The following ZNF366 variants were observed in gnomAD, a reference collection of about 807,000 sequenced individuals.
The protein encoded by ZNF366 is zinc finger protein 366.
ZNF366 carries 20 observed loss-of-function variants against 47.2 expected under a neutral mutation model. The observed-to-expected ratio is 0.42, with a 90% CI of 0.30 to 0.62. ZNF366 has a LOEUF of 0.62. ZNF366 is among the 20% of genes least tolerant of loss of function. The pLI is 0.16. For synonymous variants in ZNF366, 421 were observed against 395.1 expected (o/e 1.07, Z -0.78); for missense variants, 987 against 976.3 (o/e 1.01, Z -0.15).
intron 1 of ZNF366, among the ~76,000 whole-genome samples, chr5:72,485,406 C>T (rs569348299): frequency 6.6e-6 from 1 of 152,312 alleles, no homozygotes; most frequent in Non-Finnish European, 1.5e-5. Flanking sequence ...TTCTTTATTA[C>T]CTCTTCCCAG....
At position 72,460,294 on chromosome 5, in the gene ZNF366, G is replaced by A. The variant is rs1325337280; in HGVS notation, c.1203C>T (p.Thr401=). The change falls in exon 2 of 5, where the codon ACC becomes ACT. Residue 401 remains threonine, a synonymous_variant. Transcript: ENST00000318442. The part of the protein sequence containing the change: ...IQYNCSECDK[T]FQYPSQLQNH... The stretch of plus-strand genomic sequence containing the variant: ...TCTGCAGCTGGCTCGGGTACTGGAA[G>A]GTCTTGTCGCACTCGGAGCAGTTGT... 1 of 1,614,112 alleles carries A rather than the reference G, an allele frequency of 6.2e-7. No individual in the cohort carries two copies. Among genetic ancestry groups the A allele is most frequent in the East Asian group, 2.2e-5 (1 of 44,894 alleles).
chr5:72,447,671 T>C (rs1742987718), intron 3 of ZNF366, among the ~76,000 whole-genome samples: 1 of 152,198 alleles, frequency 6.6e-6, no homozygotes, highest in African/African-American at 2.4e-5. Flanking sequence ...AAAGCTTCTT[T>C]TGAATAAAAG....
In ZNF366 at chr5:72,477,689, G is replaced by A. The variant is rs187921231; in HGVS notation, c.-14-16179C>T. 2.6e-4 allele frequency among the ~76,000 whole-genome samples: 40 copies of A among 152,232 alleles called. No individual in the cohort carries two copies. The East Asian group carries it at 6.4e-3, about 24-fold the overall frequency. ...ATAGGTAAGGAATTTGAGGCACAAC[G>A]AATATAAATGACTTATCTACGGTCA... On this transcript the variant is annotated intron_variant, in intron 1 of 4. Transcript: ENST00000318442.
chr5:72,500,325 T>A (rs1312219600), intron 1 of ZNF366, among the ~76,000 whole-genome samples: 1 of 152,150 alleles, frequency 6.6e-6, no homozygotes, highest in African/African-American at 2.4e-5. Flanking sequence ...GTAATCTGCC[T>A]GAAATACTCA....
intron 1 of ZNF366, among the ~76,000 whole-genome samples, chr5:72,476,214 G>A (rs186002119): frequency 3.3e-5 from 5 of 152,104 alleles, no homozygotes; most frequent in East Asian, 1.9e-4. Context: ...GTCAGCACAC[G>A]AGAATCACTT....
intron 1 of ZNF366, among the ~76,000 whole-genome samples, chr5:72,463,910 G>A (rs1743382512): frequency 6.6e-6 from 1 of 152,196 alleles, no homozygotes; most frequent in Non-Finnish European, 1.5e-5. Flanking sequence ...TGCTGAATTG[G>A]AGGGGAAAAT....
chr5:72,475,971 T>C (rs1743666197), intron 1 of ZNF366, among the ~76,000 whole-genome samples: 1 of 152,190 alleles, frequency 6.6e-6, no homozygotes, highest in African/African-American at 2.4e-5. Flanking sequence ...AAGCAAAGTA[T>C]GACCCCATAA....
chr5:72,499,435 T>G (rs1321020102), intron 1 of ZNF366, among the ~76,000 whole-genome samples: 6 of 151,532 alleles, frequency 4.0e-5, no homozygotes, highest in Non-Finnish European at 8.8e-5. Context: ...TTTCACATAT[T>G]CCTCACCCTA....
intron 1 of ZNF366, among the ~76,000 whole-genome samples, chr5:72,506,781 C>T (rs114678293): frequency 0.019 from 2,952 of 152,296 alleles, 42 homozygotes; most frequent in Middle Eastern, 0.051. Context: ...AATTAACAAT[C>T]CTCCTTTAGG....
In ZNF366 at chr5:72,442,311, A is replaced by G. The variant is rs1230239248; in HGVS notation, c.*1445T>C. ...TGGTGAGTTCTATTTTAGTCCCCTC[A>G]ATCTTCTCAATCTTGGCTGCACATA... On this transcript the variant is annotated 3_prime_UTR_variant, in exon 5 of 5. Transcript: ENST00000318442. The G allele has an allele frequency of 6.6e-6, 1 of 152,160 alleles. No homozygotes were observed. Among genetic ancestry groups the G allele is most frequent in the Non-Finnish European group, 1.5e-5 (1 of 68,022 alleles). The allele number at this position is 152,160 out of a possible 1,614,324, so 9.4% of individuals were successfully genotyped here.
In ZNF366 at chr5:72,460,684, G is replaced by A. The variant is rs1448936230; in HGVS notation, c.813C>T (p.His271=). The A allele has an allele frequency of 6.2e-7, 1 of 1,614,232 alleles. No homozygotes were observed. Among genetic ancestry groups the A allele is most frequent in the South Asian group, 1.1e-5 (1 of 91,088 alleles). The part of the protein sequence containing the change: ...SYTSKYNLVT[H]ILGHSGIKPH... Reference sequence around the variant, plus strand: ...GCTTGATCCCACTGTGGCCCAGGATGTGGGTGACCAGGTTGTACTTGGAGG... The same window carrying A: ...GCTTGATCCCACTGTGGCCCAGGATATGGGTGACCAGGTTGTACTTGGAGG... Residue 271 remains histidine, a synonymous_variant, in exon 2 of 5, where the codon CAC becomes CAT. Coordinates refer to ENST00000318442, the MANE Select transcript of ZNF366 (RefSeq NM_152625.3).
At chr5:72,492,246 T>A (rs1288747437) in intron 1 of ZNF366, among the ~76,000 whole-genome samples, 1 of 152,182 alleles carries the variant, frequency 6.6e-6, no homozygotes, top group Non-Finnish European at 1.5e-5. Context: ...ATGTCCCTTA[T>A]TGTAACTATG....
At chr5:72,492,440 G>C (rs965578226) in intron 1 of ZNF366, among the ~76,000 whole-genome samples, 17 of 152,068 alleles carry the variant, frequency 1.1e-4, no homozygotes, top group African/African-American at 4.1e-4. Flanking sequence ...TTCTTCATTG[G>C]CCCATGTGCG....
At chr5:72,481,189 A>T (rs1743784215) in intron 1 of ZNF366, among the ~76,000 whole-genome samples, 1 of 152,192 alleles carries the variant, frequency 6.6e-6, no homozygotes. Context: ...CTGGCTACTG[A>T]TCAGATATAT....
At chr5:72,494,811 T>C (rs1275451613) in intron 1 of ZNF366, among the ~76,000 whole-genome samples, 1 of 152,130 alleles carries the variant, frequency 6.6e-6, no homozygotes, top group African/African-American at 2.4e-5. Context: ...CAGCAACTCA[T>C]TTTTGTCGAA....
At chr5:72,449,161 T>C (rs1743014120) in intron 3 of ZNF366, among the ~76,000 whole-genome samples, 2 of 152,234 alleles carry the variant, frequency 1.3e-5, no homozygotes, top group Non-Finnish European at 2.9e-5. Context: ...TATCAATCTG[T>C]GGCTCAGCAT....
chr5:72,448,160 A>G (rs754693365), intron 3 of ZNF366, among the ~76,000 whole-genome samples: 5 of 152,318 alleles, frequency 3.3e-5, no homozygotes, highest in African/African-American at 1.2e-4. Context: ...AATTACTGGC[A>G]TGGATTTCAA....
chr5:72,466,996 G>C (rs893242808), intron 1 of ZNF366, among the ~76,000 whole-genome samples: 2 of 152,146 alleles, frequency 1.3e-5, no homozygotes, highest in Non-Finnish European at 2.9e-5. Context: ...GGCAGTCATG[G>C]GTAGAAAGAA....
chr5:72,502,792 A>C (rs1744235200), intron 1 of ZNF366, among the ~76,000 whole-genome samples: 1 of 152,158 alleles, frequency 6.6e-6, no homozygotes, highest in African/African-American at 2.4e-5. Flanking sequence ...ATACATGCTC[A>C]CTCTAAGATG....
Sources: allele counts gnomAD v4.1 joint callset (sites outside exome capture counted in the v4.1 genomes callset), GRCh38; gene constraint gnomAD v4.1.1; transcripts MANE v1.5; gene names NCBI Gene and HGNC (gene_info 2026-07-23, HGNC 2026-07-21).